The following PPP1R21 variants were observed in gnomAD, a reference collection of about 807,000 sequenced individuals.
PPP1R21 encodes protein phosphatase 1 regulatory subunit 21.
PPP1R21 carries 85 observed loss-of-function variants against 112.8 expected under a neutral mutation model. The observed-to-expected ratio is 0.75, with a 90% CI of 0.63 to 0.90. The LOEUF (loss-of-function observed/expected upper bound fraction) is 0.90, where lower values mean the gene tolerates loss of function less well. PPP1R21 is among the 40% of genes least tolerant of loss of function. The pLI is 0.00. For missense variants in PPP1R21, 1,199 were observed against 901.5 expected (o/e 1.33, Z -4.23); for synonymous variants, 381 against 322.3 (o/e 1.18, Z -1.95).
intron 16 of PPP1R21, among the ~76,000 whole-genome samples, chr2:48,498,186 A>G (rs62135168): frequency 0.12 from 17,500 of 150,536 alleles, 1,126 homozygotes; most frequent in South Asian, 0.18. Context: ...TGTATGTTCT[A>G]GTTATTGGGT....
intron 19 of PPP1R21, among the ~76,000 whole-genome samples, chr2:48,509,242 G>T (rs534880723): frequency 4.6e-5 from 7 of 152,164 alleles, no homozygotes; most frequent in Non-Finnish European, 1.0e-4. Context: ...GGGTAGGATG[G>T]TAAAGCTTTT....
intron 13 of PPP1R21, among the ~76,000 whole-genome samples, chr2:48,485,898 TA>T (rs1463484459): frequency 4.1e-5 from 6 of 146,484 alleles, no homozygotes; most frequent in Non-Finnish European, 9.0e-5. Flanking sequence ...CTAACTAATA[TA>T]TACAATTGTA....
At chr2:48,503,466 A>G (rs1670222010) in intron 17 of PPP1R21, among the ~76,000 whole-genome samples, 1 of 152,184 alleles carries the variant, frequency 6.6e-6, no homozygotes, top group South Asian at 2.1e-4. Flanking sequence ...TTTATGTATA[A>G]GGTTATTTCT....
At chr2:48,477,031 A>T (rs1323110278) in intron 12 of PPP1R21, among the ~76,000 whole-genome samples, 2 of 150,988 alleles carry the variant, frequency 1.3e-5, no homozygotes, top group Non-Finnish European at 2.9e-5. Context: ...ATCTGAGGTT[A>T]TGAAGACTTA....
chr2:48,443,391 G>A (rs774323508), intron 1 of PPP1R21, among the ~76,000 whole-genome samples: 1 of 152,228 alleles, frequency 6.6e-6, no homozygotes, highest in Non-Finnish European at 1.5e-5. Flanking sequence ...ATTAGTATGA[G>A]GTAATGTTGG....
intron 7 of PPP1R21, among the ~76,000 whole-genome samples, chr2:48,461,512 A>G (rs1667979193): frequency 6.6e-6 from 1 of 152,220 alleles, no homozygotes; most frequent in South Asian, 2.1e-4. Context: ...AACAACCTGC[A>G]CATAAATAGT....
intron 21 of PPP1R21, among the ~76,000 whole-genome samples, chr2:48,512,329 G>A (rs77068036): frequency 0.017 from 2,575 of 152,210 alleles, 40 homozygotes; most frequent in Middle Eastern, 0.041. Context: ...TGCCATGAAA[G>A]GTAAACTTTG....
chr2:48,458,054 A>G (rs1558434013), intron 3 of PPP1R21, 72 bp from the exon 4 acceptor site: 1 of 967,978 alleles, frequency 1.0e-6, no homozygotes, highest in Non-Finnish European at 1.7e-6. Flanking sequence ...AAGATGATAG[A>G]GAATCTGTGT....
chr2:48,455,567 T>C (rs1036175736), intron 3 of PPP1R21, among the ~76,000 whole-genome samples: 5 of 152,300 alleles, frequency 3.3e-5, no homozygotes, highest in East Asian at 1.9e-4. Context: ...AAAGAACTTA[T>C]TAGGAGCAAA....
chr2:48,502,231 T>A (rs941252938), intron 17 of PPP1R21, among the ~76,000 whole-genome samples: 4 of 152,202 alleles, frequency 2.6e-5, no homozygotes, highest in Non-Finnish European at 5.9e-5. Flanking sequence ...TAGAAGTTGC[T>A]ATTTAAATCA....
chr2:48,471,475 C>T (rs529112149), intron 11 of PPP1R21, 108 bp downstream of exon 11: 36 of 1,106,044 alleles, frequency 3.3e-5, no homozygotes, highest in Admixed American at 5.7e-5. Context: ...CCTGACTTTT[C>T]TGCTTCACAG....
chr2:48,507,409 G>A lies in PPP1R21; in HGVS notation c.2085+24G>A, dbSNP rs367600889. ...AGGTGAGTGTAGATTTAATTAGATTGGTGGTTTTTTTCCTAACCCCTGCAG... is the reference window on the plus strand; with the variant it reads ...AGGTGAGTGTAGATTTAATTAGATTAGTGGTTTTTTTCCTAACCCCTGCAG... On this transcript the variant is annotated intron_variant, in intron 19 of 21. Transcript: ENST00000294952. 1.9e-6 allele frequency: 3 copies of A among 1,587,858 alleles called. No homozygotes were observed. The African/African-American group carries it at 4.1e-5, about 22-fold the overall frequency.
chr2:48,466,861 A>C (rs1256067750), intron 9 of PPP1R21, among the ~76,000 whole-genome samples: 2 of 152,148 alleles, frequency 1.3e-5, no homozygotes, highest in Non-Finnish European at 2.9e-5. Context: ...AGGTATGGAA[A>C]GGAAGGTTGA....
chr2:48,482,906 T>G (rs947297690), intron 13 of PPP1R21, among the ~76,000 whole-genome samples: 1 of 152,076 alleles, frequency 6.6e-6, no homozygotes, highest in Non-Finnish European at 1.5e-5. Flanking sequence ...AGCATCCATT[T>G]GCCATTCTTC....
rs776758915 is a variant in PPP1R21, at chr2:48,460,135, G to A, written c.581G>A (p.Arg194Gln). 10 of 1,614,080 alleles carry A rather than the reference G, an allele frequency of 6.2e-6. No homozygotes were observed. Among genetic ancestry groups the A allele is most frequent in the Non-Finnish European group, 8.5e-6 (10 of 1,180,010 alleles). ...QTLEKEAKEC[R>Q]LRTEECQLQL... Reference sequence around the variant, plus strand: ...CTAGAAAAGGAAGCCAAGGAATGTCGACTTCGAACGGAAGAATGGTATGTG... The same window carrying A: ...CTAGAAAAGGAAGCCAAGGAATGTCAACTTCGAACGGAAGAATGGTATGTG... Residue 194 changes from arginine (R) to glutamine (Q), a missense_variant, in exon 6 of 22, where the codon CGA becomes CAA. Physicochemically the swap from Arg to Gln is conservative, Grantham distance 43. Transcript: ENST00000294952.
chr2:48,505,831 AG>A (rs1670349753), intron 18 of PPP1R21, among the ~76,000 whole-genome samples: 1 of 152,110 alleles, frequency 6.6e-6, no homozygotes, highest in Non-Finnish European at 1.5e-5. Flanking sequence ...TGCCTTATTG[AG>A]TGACTTGCCA....
chr2:48,481,859 G>A (rs375501020), intron 13 of PPP1R21, among the ~76,000 whole-genome samples: 1 of 152,076 alleles, frequency 6.6e-6, no homozygotes, highest in Non-Finnish European at 1.5e-5. Flanking sequence ...GGAAAATTCC[G>A]CACTTGCCCT....
chr2:48,447,194 G>A (rs867202999), intron 1 of PPP1R21, among the ~76,000 whole-genome samples: 12 of 152,224 alleles, frequency 7.9e-5, no homozygotes, highest in Non-Finnish European at 8.8e-5. Context: ...ATGGGCCGTA[G>A]GGAGTCAGGG....
intron 14 of PPP1R21, 73 bp downstream of exon 14, chr2:48,486,831 A>G: frequency 6.7e-7 from 1 of 1,502,478 alleles, no homozygotes; most frequent in Non-Finnish European, 9.0e-7. Context: ...ACATAGGAAA[A>G]TGGATCTGTA....
Sources: allele counts gnomAD v4.1 joint callset (sites outside exome capture counted in the v4.1 genomes callset), GRCh38; gene constraint gnomAD v4.1.1; transcripts MANE v1.5; gene names NCBI Gene and HGNC (gene_info 2026-07-23, HGNC 2026-07-21).